EOGT: variants seen among roughly 807,000 people sequenced by gnomAD.
The protein encoded by EOGT is EGF domain-specific O-linked N-acetylglucosamine transferase.
In EOGT, 55 loss-of-function variants were observed where a neutral mutation model predicts 70.5. That is an observed-to-expected ratio of 0.78 (90% CI 0.63 to 0.98). The LOEUF is 0.98. Among genes scored for constraint, EOGT ranks in the 50% least tolerant of loss-of-function variants. The probability of loss-of-function intolerance (pLI) is 0.00; values close to 1 mark genes in which losing one functional copy is unlikely to be tolerated. For synonymous variants in EOGT, 246 were observed against 217.1 expected, an observed-to-expected ratio of 1.13 and a Z score of -1.17; for missense variants, 703 against 641.9, an observed-to-expected ratio of 1.10 and a Z score of -1.03.
intron 3 of EOGT, 24 bp from the exon 4 acceptor site, chr3:69,009,884 T>G: frequency 6.6e-7 from 1 of 1,506,150 alleles, no homozygotes; most frequent in Non-Finnish European, 9.1e-7. Context: ...TGAAGACAAC[T>G]TTGTTAACAA....
chr3:68,980,377 G>A (rs2107141552), intron 15 of EOGT, among the ~76,000 whole-genome samples: 1 of 152,256 alleles, frequency 6.6e-6, no homozygotes, highest in East Asian at 1.9e-4. Flanking sequence ...CCTGCCTTTG[G>A]AACAGACAAA....
Position 68,988,490 on chromosome 3 carries a change from T to C in EOGT, c.996+16A>G, listed in dbSNP as rs995512192. 8 of 1,521,476 alleles carry C rather than the reference T, an allele frequency of 5.3e-6. No homozygotes were observed. The highest frequency in any genetic ancestry group is 4.1e-5 in the African/African-American group (3 of 72,708). The allele number at this position is 1,521,476 out of a possible 1,614,324, so 94.2% of individuals were successfully genotyped here. On this transcript the variant is annotated intron_variant, in intron 12 of 17. Coordinates refer to ENST00000383701, the MANE Select transcript of EOGT (RefSeq NM_001278689.2). ...TGTCTGTAAATATGAATGCTAATGGTAGACAATGTGCTTACCAGAGGAGTA... is the reference window on the plus strand; with the variant it reads ...TGTCTGTAAATATGAATGCTAATGGCAGACAATGTGCTTACCAGAGGAGTA...
Position 68,976,536 on chromosome 3 carries a change from A to G in EOGT, c.*1082T>C. On this transcript the variant is annotated 3_prime_UTR_variant, in exon 18 of 18. Coordinates refer to ENST00000383701, the MANE Select transcript of EOGT (RefSeq NM_001278689.2). ...TATGAAACATGTAATATAAATTAAT[A>G]TAGTGGCATGATTTATTCAGGTTCT... is the stretch of plus-strand genomic sequence containing the variant. 6.6e-6 allele frequency: 1 copy of G among 152,156 alleles called. No homozygotes were observed. Among genetic ancestry groups the G allele is most frequent in the East Asian group, 1.9e-4 (1 of 5,190 alleles). The allele number at this position is 152,156 out of a possible 1,614,324, so 9.4% of individuals were successfully genotyped here. A position where few individuals can be genotyped will look rare whatever the true frequency, so the allele number is the denominator to read the frequency against.
At position 69,006,406 on chromosome 3, in the gene EOGT, G is replaced by A. The variant is rs117958780; in HGVS notation, c.421-1172C>T. Among the ~76,000 whole-genome samples, 93 of 152,274 alleles carry A rather than the reference G, an allele frequency of 6.1e-4. No individual in the cohort carries two copies. In the East Asian group the frequency reaches 0.012, roughly 19 times the overall value. ...GTATATACTCAGTTTTTGAATGTGA[G>A]TAAATTAAAAAATTTTTTTAGTTCT... On this transcript the variant is annotated intron_variant, in intron 6 of 17. Transcript: ENST00000383701.
In EOGT at chr3:68,976,304, G is replaced by A. The variant is rs1329217060; in HGVS notation, c.*1314C>T. ...TACTTTCATGCTGACAGAGGTAGAC[G>A]CACACGCACTGGTATATGCAGTTAC... On this transcript the variant is annotated 3_prime_UTR_variant, in exon 18 of 18. Transcript: ENST00000383701. 2.0e-5 allele frequency: 3 copies of A among 152,234 alleles called. No individual in the cohort carries two copies. Among genetic ancestry groups the A allele is most frequent in the East Asian group, 1.9e-4 (1 of 5,172 alleles). 9.4% of individuals were successfully genotyped at this position (152,234 alleles called of 1,614,324 possible).
chr3:69,001,980 A>C (rs2091305551), intron 8 of EOGT, among the ~76,000 whole-genome samples: 1 of 152,206 alleles, frequency 6.6e-6, no homozygotes, highest in Non-Finnish European at 1.5e-5. Context: ...TCACGAGGTC[A>C]GGAGATCAAG....
chr3:68,992,109 G>C (rs574124459), intron 10 of EOGT, among the ~76,000 whole-genome samples: 9 of 151,930 alleles, frequency 5.9e-5, no homozygotes, highest in Non-Finnish European at 1.5e-5. Flanking sequence ...TTCTGCCCAG[G>C]GCTCTCTAAA....
rs1021053321 is a variant in EOGT at position 68,975,488 on chromosome 3, C to T, written c.*2130G>A. 2.6e-5 allele frequency: 4 copies of T among 152,146 alleles called. No homozygotes were observed. Among genetic ancestry groups the T allele is most frequent in the African/African-American group, 9.7e-5 (4 of 41,338 alleles). 9.4% of individuals were successfully genotyped at this position (152,146 alleles called of 1,614,324 possible). On this transcript the variant is annotated 3_prime_UTR_variant, in exon 18 of 18. Coordinates refer to ENST00000383701, the MANE Select transcript of EOGT (RefSeq NM_001278689.2). ...GAAATTCTCAGTAGTCTATAGTATC[C>T]CATTTTCACATGCTTCTTAAAATGA...
intron 3 of EOGT, among the ~76,000 whole-genome samples, chr3:69,010,201 G>A (rs2091543277): frequency 6.6e-6 from 1 of 152,184 alleles, no homozygotes; most frequent in Admixed American, 6.5e-5. Context: ...CCAACTAGGG[G>A]CCAGCAAACT....
At chr3:68,989,238 C>T (rs944041168) in intron 10 of EOGT, among the ~76,000 whole-genome samples, 8 of 152,124 alleles carry the variant, frequency 5.3e-5, no homozygotes, top group African/African-American at 1.4e-4. Context: ...ATACTCTTAG[C>T]CATTAATAGT....
intron 15 of EOGT, among the ~76,000 whole-genome samples, chr3:68,981,354 T>C (rs2090635125): frequency 1.3e-5 from 2 of 152,210 alleles, no homozygotes; most frequent in South Asian, 2.1e-4. Context: ...AACTAATGTA[T>C]GATGAATGAA....
intron 14 of EOGT, 150 bp from the exon 15 acceptor site, chr3:68,983,022 A>G (rs2107168897): frequency 1.7e-6 from 1 of 578,060 alleles, no homozygotes. Flanking sequence ...AAGAAAATAA[A>G]TAAATATCAT....
At chr3:68,988,690 A>C (rs532430981) in intron 11 of EOGT, 113 bp from the exon 12 acceptor site, 1 of 687,496 alleles carries the variant, frequency 1.5e-6, no homozygotes, top group African/African-American at 1.8e-5. Context: ...CATTGCTTGA[A>C]TAGCACACTA....
chr3:68,998,208 A>G (rs1185109102), intron 9 of EOGT, 94 bp from the exon 10 acceptor site: 3 of 711,958 alleles, frequency 4.2e-6, no homozygotes, highest in Non-Finnish European at 7.2e-6. Context: ...GTTTAAGAGA[A>G]TTTTAGTTTA....
At chr3:69,009,911 AAAAC>A in intron 3 of EOGT, 51 bp from the exon 4 acceptor site, 1 of 913,174 alleles carries the variant, frequency 1.1e-6, no homozygotes, top group South Asian at 1.6e-5. Flanking sequence ...TTTAAAAGCC[AAAAC>A]AACAACAACA....
At chr3:69,008,931 C>T (rs991764454) in intron 4 of EOGT, among the ~76,000 whole-genome samples, 1 of 152,228 alleles carries the variant, frequency 6.6e-6, no homozygotes, top group Non-Finnish European at 1.5e-5. Flanking sequence ...CAATCAGCAA[C>T]TTCACTTAGC....
chr3:68,977,801 A>G (rs1575699670), intron 17 of EOGT, 37 bp from the exon 18 acceptor site: 4 of 1,588,558 alleles, frequency 2.5e-6, no homozygotes, highest in Non-Finnish European at 2.6e-6. Context: ...CCATAACTCA[A>G]TGAGGGCATG....
rs991017552 is a variant in EOGT at position 68,976,566 on chromosome 3, G to C, written c.*1052C>G. The C allele has an allele frequency of 1.3e-5, 2 of 151,898 alleles. No homozygotes were observed. The highest frequency in any genetic ancestry group is 6.6e-5 in the Admixed American group (1 of 15,218). 9.4% of individuals were successfully genotyped at this position (151,898 alleles called of 1,614,324 possible). A position where few individuals can be genotyped will look rare whatever the true frequency, so the allele number is the denominator to read the frequency against. ...GGCATGATTTATTCAGGTTCTCGAT[G>C]CATATAACCTGGAGGTGACTAAACG... On this transcript the variant is annotated 3_prime_UTR_variant, in exon 18 of 18. Transcript: ENST00000383701.
intron 6 of EOGT, among the ~76,000 whole-genome samples, chr3:69,006,257 G>GA (rs2091437951): frequency 6.6e-6 from 1 of 152,180 alleles, no homozygotes; most frequent in South Asian, 2.1e-4. Context: ...AGACAGAACA[G>GA]AACTCTGTTA....
Sources: allele counts gnomAD v4.1 joint callset (sites outside exome capture counted in the v4.1 genomes callset), GRCh38; gene constraint gnomAD v4.1.1; transcripts MANE v1.5; gene names NCBI Gene and HGNC (gene_info 2026-07-23, HGNC 2026-07-21).